Variants in BMP6 observed in about 807,000 individuals in gnomAD.
BMP6 encodes VG-1-R.
In BMP6, 17 loss-of-function variants were observed where a neutral mutation model predicts 54.1. That is an observed-to-expected ratio of 0.31 (90% CI 0.22 to 0.47). The LOEUF (loss-of-function observed/expected upper bound fraction) is 0.47, where lower values mean the gene tolerates loss of function less well. BMP6 is among the 20% of genes least tolerant of loss of function. BMP6 has a pLI of 1.00. For synonymous variants in BMP6, 328 were observed against 291.2 expected, an observed-to-expected ratio of 1.13 and a Z score of -1.28; for missense variants, 720 against 690.4, an observed-to-expected ratio of 1.04 and a Z score of -0.48.
chr6:7,779,761 A>G, intron 1 of BMP6, among the ~76,000 whole-genome samples: 1 of 152,196 alleles, frequency 6.6e-6, no homozygotes, highest in East Asian at 1.9e-4. Context: ...TCATGAGGCC[A>G]TTATTCTTAT....
intron 2 of BMP6, among the ~76,000 whole-genome samples, chr6:7,859,856 T>G (rs756573793): frequency 6.6e-6 from 1 of 152,176 alleles, no homozygotes; most frequent in Non-Finnish European, 1.5e-5. Context: ...CTACTGTTTA[T>G]ACTTGGGAAA....
chr6:7,739,580 T>C (rs1259561499), intron 1 of BMP6, among the ~76,000 whole-genome samples: 1 of 152,082 alleles, frequency 6.6e-6, no homozygotes, highest in Non-Finnish European at 1.5e-5. Context: ...TAGGGGAGAA[T>C]TTGGAGGTTT....
chr6:7,854,100 G>A (rs1016477295), intron 2 of BMP6, among the ~76,000 whole-genome samples: 8 of 152,188 alleles, frequency 5.3e-5, no homozygotes, highest in African/African-American at 1.4e-4. Context: ...GGCAGGAGAC[G>A]CTGTTCTTTG....
intron 1 of BMP6, among the ~76,000 whole-genome samples, chr6:7,821,963 A>G (rs1445122076): frequency 1.3e-5 from 2 of 152,112 alleles, no homozygotes; most frequent in East Asian, 3.8e-4. Flanking sequence ...TTAACTATCC[A>G]CATTCCCTCT....
At chr6:7,863,246 C>T (rs566358302) in intron 4 of BMP6, among the ~76,000 whole-genome samples, 9 of 152,214 alleles carry the variant, frequency 5.9e-5, no homozygotes, top group Non-Finnish European at 2.9e-5. Context: ...GATCCACCCA[C>T]CTTGGCCTCC....
rs192887846 is a variant in BMP6, at chr6:7,849,807, C to T, written c.857+4475C>T. 4.6e-5 allele frequency among the ~76,000 whole-genome samples: 7 copies of T among 152,278 alleles called. No individual in the cohort carries two copies. In the East Asian group the frequency reaches 1.3e-3, roughly 29 times the overall value. On this transcript the variant is annotated intron_variant, in intron 2 of 6. Coordinates refer to ENST00000283147, the MANE Select transcript of BMP6 (RefSeq NM_001718.6). ...CTTGTCTCTGCTAGTTTTGAAATTC[C>T]GTGTTCTGCTCTCTGTGTTTTGGCA...
At chr6:7,844,131 G>A (rs1356269371) in intron 1 of BMP6, among the ~76,000 whole-genome samples, 1 of 152,042 alleles carries the variant, frequency 6.6e-6, no homozygotes, top group Non-Finnish European at 1.5e-5. Context: ...TATGAGTGAG[G>A]TCGTGCAGTG....
At chr6:7,777,681 TA>T (rs71542882) in intron 1 of BMP6, among the ~76,000 whole-genome samples, 225 of 141,952 alleles carry the variant, frequency 1.6e-3, no homozygotes, top group East Asian at 4.9e-3. Context: ...GCATCACTAA[TA>T]AAAAAAAAAA....
intron 1 of BMP6, among the ~76,000 whole-genome samples, chr6:7,734,820 C>T (rs1311983150): frequency 1.3e-5 from 2 of 152,208 alleles, no homozygotes; most frequent in Admixed American, 6.5e-5. Context: ...CCCACGGTCT[C>T]GTTATCTCAA....
intron 1 of BMP6, among the ~76,000 whole-genome samples, chr6:7,806,588 AAAAAAC>A (rs1211897631): frequency 1.8e-4 from 27 of 152,346 alleles, no homozygotes; most frequent in South Asian, 6.2e-4. Flanking sequence ...TGACAACCAG[AAAAAAC>A]AAAAACAAAA....
intron 1 of BMP6, among the ~76,000 whole-genome samples, chr6:7,766,963 TA>T (rs1351643340): frequency 2.4e-5 from 2 of 82,724 alleles, no homozygotes; most frequent in Admixed American, 1.4e-4. Context: ...TTTATTTATT[TA>T]TTTATTTTTT....
intron 1 of BMP6, among the ~76,000 whole-genome samples, chr6:7,829,627 G>T (rs1178126423): frequency 3.3e-5 from 5 of 152,158 alleles, no homozygotes; most frequent in Non-Finnish European, 7.3e-5. Flanking sequence ...GATTGCTTGG[G>T]CCCAGGAGGT....
intron 1 of BMP6, among the ~76,000 whole-genome samples, chr6:7,816,916 T>C (rs957873808): frequency 3.9e-5 from 6 of 152,174 alleles, no homozygotes; most frequent in African/African-American, 1.2e-4. Flanking sequence ...TTTTTTATTG[T>C]GGCAATATTT....
chr6:7,739,729 T>G (rs1233842967), intron 1 of BMP6, among the ~76,000 whole-genome samples: 1 of 152,204 alleles, frequency 6.6e-6, no homozygotes, highest in Admixed American at 6.5e-5. Flanking sequence ...TCCCACTGTC[T>G]TCTCTGCCCT....
intron 4 of BMP6, among the ~76,000 whole-genome samples, chr6:7,876,643 T>C (rs970006953): frequency 6.6e-6 from 1 of 152,144 alleles, no homozygotes; most frequent in Non-Finnish European, 1.5e-5. Context: ...AATGTATAAC[T>C]AATCTGTTAA....
intron 1 of BMP6, among the ~76,000 whole-genome samples, chr6:7,734,697 TTCCACTGATA>T (rs1358607125): frequency 1.3e-5 from 2 of 152,232 alleles, no homozygotes; most frequent in Admixed American, 6.5e-5. Context: ...AGTGGCATTG[TTCCACTGATA>T]TCCACTGATT....
chr6:7,870,702 A>G (rs1184638143), intron 4 of BMP6, among the ~76,000 whole-genome samples: 1 of 152,136 alleles, frequency 6.6e-6, no homozygotes, highest in Non-Finnish European at 1.5e-5. Flanking sequence ...ATCTCAGCTC[A>G]CTGCAACCTC....
intron 1 of BMP6, among the ~76,000 whole-genome samples, chr6:7,736,185 A>G (rs995961315): frequency 6.6e-6 from 1 of 152,042 alleles, no homozygotes; most frequent in Non-Finnish European, 1.5e-5. Context: ...GCATAGTTTG[A>G]CTGAGGTGTC....
intron 1 of BMP6, among the ~76,000 whole-genome samples, chr6:7,735,930 CAATG>C (rs1306877214): frequency 1.3e-5 from 2 of 152,128 alleles, no homozygotes; most frequent in Non-Finnish European, 2.9e-5. Flanking sequence ...AAAAACAAGT[CAATG>C]AAAGTATAAA....
Sources: gnomAD v4.1 joint callset for allele counts (sites outside exome capture counted in the v4.1 genomes callset) on GRCh38, gnomAD v4.1.1 for gene constraint, MANE v1.5 for transcripts, NCBI Gene and HGNC (gene_info 2026-07-23, HGNC 2026-07-21) for gene names.